The following TRMT9B variants were observed in gnomAD, a reference collection of about 807,000 sequenced individuals.
The protein encoded by TRMT9B is probable tRNA methyltransferase 9B.
In TRMT9B, 16 loss-of-function variants were observed where a neutral mutation model predicts 11.5. The ratio of observed to expected loss-of-function variants is 1.39; its 90% confidence interval spans 0.94 to 2.11. The LOEUF (loss-of-function observed/expected upper bound fraction) is 2.11. Among genes scored for constraint, TRMT9B ranks in the 30% most tolerant of loss-of-function variants. The probability of loss-of-function intolerance (pLI) is 0.00; values close to 1 mark genes in which losing one functional copy is unlikely to be tolerated. For missense variants in TRMT9B, 941 were observed against 553.8 expected (o/e 1.70, Z -7.02); for synonymous variants, 274 against 192.4 (o/e 1.42, Z -3.51).
chr8:12,987,993 C>G (rs1351221496), intron 1 of TRMT9B, among the ~76,000 whole-genome samples: 5 of 152,226 alleles, frequency 3.3e-5, no homozygotes, highest in Non-Finnish European at 7.3e-5. Flanking sequence ...ATCACTTTGA[C>G]ACCATCATAA....
chr8:12,991,089 G>C, intron 2 of TRMT9B, 58 bp downstream of exon 2: 1 of 855,808 alleles, frequency 1.2e-6, no homozygotes, highest in Non-Finnish European at 1.5e-6. Context: ...TTAGCAATGT[G>C]CATATTTAGT....
chr8:12,988,728 A>T (rs958170716), intron 1 of TRMT9B, among the ~76,000 whole-genome samples: 1 of 152,122 alleles, frequency 6.6e-6, no homozygotes, highest in Non-Finnish European at 1.5e-5. Context: ...CCCACAATAC[A>T]TGGGGATGAT....
intron 1 of TRMT9B, among the ~76,000 whole-genome samples, chr8:12,958,121 A>G (rs775098853): frequency 1.4e-4 from 22 of 152,212 alleles, no homozygotes; most frequent in Admixed American, 4.6e-4. Context: ...TCCATGTAGT[A>G]TAATATTTTC....
rs749957836 is a variant in TRMT9B, at chr8:13,021,315, C to T, written c.636C>T (p.Ser212=). ...AAGAGCAGTGTGGTTCAAAACGGTC[C>T]CACAGCGTGGGCTATGAACCTGCTA... is the stretch of plus-strand genomic sequence containing the variant. ...CFKEQCGSKR[S]HSVGYEPAMA... is the part of the protein sequence containing the mutation. The change falls in exon 5 of 5, where the codon TCC becomes TCT. Residue 212 remains serine (S), a synonymous_variant. Transcript: ENST00000524591. 1.9e-6 allele frequency: 3 copies of T among 1,613,998 alleles called. No homozygotes were observed. Among genetic ancestry groups the T allele is most frequent in the Admixed American group, 1.7e-5 (1 of 60,010 alleles).
chr8:12,953,358 G>T (rs1020441767), intron 1 of TRMT9B, among the ~76,000 whole-genome samples: 3 of 152,068 alleles, frequency 2.0e-5, no homozygotes, highest in African/African-American at 7.2e-5. Flanking sequence ...TTGTTTGTTT[G>T]TTTATGTTTG....
intron 1 of TRMT9B, among the ~76,000 whole-genome samples, chr8:12,967,190 T>C (rs1802936564): frequency 6.6e-6 from 1 of 152,240 alleles, no homozygotes; most frequent in Non-Finnish European, 1.5e-5. Context: ...TCTGAAATGA[T>C]CATCCAAAGA....
chr8:12,968,347 C>T (rs1234167529), intron 1 of TRMT9B, among the ~76,000 whole-genome samples: 1 of 152,080 alleles, frequency 6.6e-6, no homozygotes, highest in African/African-American at 2.4e-5. Context: ...GGTTTCTGTC[C>T]CTTTAATCTA....
intron 3 of TRMT9B, chr8:13,011,073 C>G (rs2946483): frequency 0.015 from 6,533 of 423,442 alleles, 425 homozygotes; most frequent in African/African-American, 0.13. Flanking sequence ...CAACCTCCAC[C>G]TCCTGAATTT....
intron 1 of TRMT9B, among the ~76,000 whole-genome samples, chr8:12,953,180 A>G (rs1475921164): frequency 1.3e-5 from 2 of 152,166 alleles, no homozygotes; most frequent in African/African-American, 4.8e-5. Flanking sequence ...TACATTGAAA[A>G]TTTAGTGTGT....
rs762638089 is a variant in TRMT9B, at chr8:12,990,859, C to A, written c.-174C>A. Reference sequence around the variant, plus strand: ...GGCCTGTGCTTCCTTCAGAGACTCACACAAGAGGTTTATCATGAGAAGGAC... The same window carrying A: ...GGCCTGTGCTTCCTTCAGAGACTCAAACAAGAGGTTTATCATGAGAAGGAC... On this transcript the variant is annotated 5_prime_UTR_variant, in exon 2 of 5. Transcript: ENST00000524591. The A allele has an allele frequency of 7.8e-7, 1 of 1,289,604 alleles. No individual in the cohort carries two copies. The highest frequency in any genetic ancestry group is 2.3e-5 in the Admixed American group (1 of 43,546). 79.9% of individuals were successfully genotyped at this position (1,289,604 alleles called of 1,614,324 possible).
intron 1 of TRMT9B, among the ~76,000 whole-genome samples, chr8:12,949,175 T>C (rs1800417590): frequency 6.6e-6 from 1 of 152,078 alleles, no homozygotes; most frequent in Non-Finnish European, 1.5e-5. Context: ...TTTTTTTATA[T>C]ACAAAAATCT....
intron 3 of TRMT9B, chr8:13,007,278 T>C (rs1306715801): frequency 2.0e-5 from 3 of 152,212 alleles, no homozygotes; most frequent in Non-Finnish European, 2.9e-5. Flanking sequence ...AATTAGACAG[T>C]ATTTTAATAA....
At chr8:13,004,793 G>C (rs1301426165) in intron 2 of TRMT9B, among the ~76,000 whole-genome samples, 1 of 152,100 alleles carries the variant, frequency 6.6e-6, no homozygotes, top group Non-Finnish European at 1.5e-5. Flanking sequence ...GGAGGGACAA[G>C]GAAAGGGGAC....
chr8:12,946,577 T>G (rs1800275435), intron 1 of TRMT9B, among the ~76,000 whole-genome samples: 1 of 152,140 alleles, frequency 6.6e-6, no homozygotes, highest in Non-Finnish European at 1.5e-5. Flanking sequence ...GGTGGAGATG[T>G]CAAGCAAGAT....
At chr8:12,957,700 A>G (rs1177480706) in intron 1 of TRMT9B, among the ~76,000 whole-genome samples, 2 of 152,200 alleles carry the variant, frequency 1.3e-5, no homozygotes, top group Non-Finnish European at 2.9e-5. Flanking sequence ...TGGTCACTCA[A>G]GATTAAGGTG....
chr8:12,980,877 G>A (rs1249038159), intron 1 of TRMT9B, among the ~76,000 whole-genome samples: 1 of 152,196 alleles, frequency 6.6e-6, no homozygotes, highest in Non-Finnish European at 1.5e-5. Context: ...AGTGGCACTA[G>A]ATAAGGAGCT....
chr8:12,966,495 A>T (rs1266998614), intron 1 of TRMT9B, among the ~76,000 whole-genome samples: 4 of 152,242 alleles, frequency 2.6e-5, no homozygotes, highest in Admixed American at 2.0e-4. Flanking sequence ...CTATGTTACC[A>T]ATAAAAAATG....
At position 13,012,888 on chromosome 8, in the gene TRMT9B, T is replaced by C. The variant is rs753457741; in HGVS notation, c.328+31T>C. 1.9e-5 allele frequency: 31 copies of C among 1,607,882 alleles called. No homozygotes were observed. In the South Asian group the frequency reaches 3.4e-4, roughly 18 times the overall value. On this transcript the variant is annotated intron_variant, in intron 4 of 4. Coordinates refer to ENST00000524591, the MANE Select transcript of TRMT9B (RefSeq NM_020844.3). The stretch of plus-strand genomic sequence containing the variant: ...GCAGCCAGATCACACATTCACCCTT[T>C]GCCATGAGAATAATTGACCCGGTTT...
At chr8:13,000,171 C>G (rs531287512) in intron 2 of TRMT9B, among the ~76,000 whole-genome samples, 30 of 152,254 alleles carry the variant, frequency 2.0e-4, no homozygotes, top group African/African-American at 6.7e-4. Flanking sequence ...GGATAGGGAA[C>G]TTGGAAAGCA....
Sources: allele counts gnomAD v4.1 joint callset (sites outside exome capture counted in the v4.1 genomes callset), GRCh38; gene constraint gnomAD v4.1.1; transcripts MANE v1.5; gene names NCBI Gene and HGNC (gene_info 2026-07-23, HGNC 2026-07-21).